SLC35D1: variants seen among roughly 807,000 people sequenced by gnomAD.
SLC35D1 encodes the protein solute carrier family 35 member D1.
In SLC35D1, 31 loss-of-function variants were observed where a neutral mutation model predicts 46.7. The ratio of observed to expected loss-of-function variants is 0.66; its 90% CI spans 0.50 to 0.90. The LOEUF (loss-of-function observed/expected upper bound fraction) is 0.90. Ranked by LOEUF, SLC35D1 falls within the 40% of genes least tolerant of loss-of-function variation. The pLI is 0.00. For missense variants in SLC35D1, 397 were observed against 426.2 expected (o/e 0.93, Z 0.60); for synonymous variants, 195 against 164.6 (o/e 1.18, Z -1.41).
the SLC35D1 span, among the ~76,000 whole-genome samples, chr1:66,975,474 CGGTTT>C: frequency 6.6e-6 from 1 of 151,650 alleles, no homozygotes; most frequent in South Asian, 2.1e-4. Flanking sequence ...CTGCAGTTAG[CGGTTT>C]GGTGCCACTG....
chr1:67,051,202 T>G (rs1009914832), intron 4 of SLC35D1, among the ~76,000 whole-genome samples: 3 of 152,204 alleles, frequency 2.0e-5, no homozygotes, highest in African/African-American at 7.2e-5. Flanking sequence ...TCTTCAGAGA[T>G]ATCATCTCGG....
At chr1:67,053,598 A>C (rs1379213339) in intron 1 of SLC35D1, among the ~76,000 whole-genome samples, 2 of 151,906 alleles carry the variant, frequency 1.3e-5, no homozygotes, top group East Asian at 3.9e-4. Context: ...GGCCGGCCGG[A>C]GCTCCGCGCA....
Position 67,009,110 on chromosome 1 carries a change from T to C in SLC35D1, c.934A>G (p.Thr312Ala). 1 of 1,515,030 alleles carries C rather than the reference T, an allele frequency of 6.6e-7. No individual in the cohort carries two copies. The highest frequency in any genetic ancestry group is 9.1e-7 in the Non-Finnish European group (1 of 1,093,126). The allele number at this position is 1,515,030 out of a possible 1,614,324, so 93.8% of individuals were successfully genotyped here. A position where few individuals can be genotyped will look rare whatever the true frequency, so the allele number is the denominator to read the frequency against. The change falls in exon 11 of 12, where the codon ACA (threonine) becomes GCA (alanine). Residue 312 changes from threonine to alanine, a missense_variant. By Grantham distance (58) the Thr-to-Ala change is moderately conservative (BLOSUM62 0). Coordinates refer to ENST00000235345, the MANE Select transcript of SLC35D1 (RefSeq NM_015139.3). ...CTGATATTTAAACCAATGAAGTTTG[T>C]CCACGTGAAAATATAATCTCCACCA... ...VFGGDYIFTWTNFIGLNISIA... is the reference protein window; with the variant it reads ...VFGGDYIFTWANFIGLNISIA...
the SLC35D1 span, among the ~76,000 whole-genome samples, chr1:66,977,792 G>A: frequency 6.6e-6 from 1 of 151,782 alleles, no homozygotes; most frequent in Non-Finnish European, 1.5e-5. Context: ...ATTCCCTAAT[G>A]TTTACAGAAT....
chr1:67,025,569 C>T (rs1423519872), intron 8 of SLC35D1, among the ~76,000 whole-genome samples: 2 of 152,120 alleles, frequency 1.3e-5, no homozygotes, highest in Non-Finnish European at 2.9e-5. Flanking sequence ...CTTTGCAATT[C>T]CACATAAATT....
intron 11 of SLC35D1, 28 bp downstream of exon 11, chr1:67,009,057 T>C: frequency 9.4e-7 from 1 of 1,065,898 alleles, no homozygotes; most frequent in Non-Finnish European, 1.5e-6. Context: ...ATTCCGATTT[T>C]GCAATTTAAT....
rs200792474 is a variant in SLC35D1 at position 67,049,718 on chromosome 1, C to A, written c.533+64G>T. The A allele has an allele frequency of 1.0e-4, 145 of 1,381,882 alleles. No individual in the cohort carries two copies. The East Asian group carries it at 3.4e-3, about 32-fold the overall frequency. The allele number at this position is 1,381,882 out of a possible 1,614,324, so 85.6% of individuals were successfully genotyped here. A position where few individuals can be genotyped will look rare whatever the true frequency, so the allele number is the denominator to read the frequency against. Reference sequence around the variant, plus strand: ...GCAATAAAAAATTGTTATTGATAAGCAATCATTTATTATCAATAATTATTG... The same window carrying A: ...GCAATAAAAAATTGTTATTGATAAGAAATCATTTATTATCAATAATTATTG... On this transcript the variant is annotated intron_variant, in intron 6 of 11. Coordinates refer to ENST00000235345, the MANE Select transcript of SLC35D1 (RefSeq NM_015139.3).
chr1:67,005,729 C>T (rs1311897265), intron 11 of SLC35D1, among the ~76,000 whole-genome samples: 1 of 152,174 alleles, frequency 6.6e-6, no homozygotes, highest in Non-Finnish European at 1.5e-5. Context: ...GGTCACAAAG[C>T]ATCCTACTGA....
intron 1 of SLC35D1, 103 bp downstream of exon 1, chr1:67,053,708 T>G: frequency 8.8e-7 from 1 of 1,139,028 alleles, no homozygotes; most frequent in Non-Finnish European, 1.1e-6. Context: ...CCCAACTTTG[T>G]TCGGCTTTAA....
chr1:67,053,308 C>A (rs914021564), intron 1 of SLC35D1, among the ~76,000 whole-genome samples: 33 of 123,250 alleles, frequency 2.7e-4, no homozygotes, highest in African/African-American at 3.9e-4. Context: ...AAAAAAACAA[C>A]CAACTTCTGC....
the SLC35D1 span, among the ~76,000 whole-genome samples, chr1:66,979,778 T>TA: frequency 6.6e-6 from 1 of 151,628 alleles, no homozygotes; most frequent in Non-Finnish European, 1.5e-5. Context: ...TTTTTTTTTT[T>TA]AAAGACGGAG....
At chr1:66,998,096 G>A (rs1000087536), downstream of SLC35D1, among the ~76,000 whole-genome samples, 3 of 139,614 alleles carry the variant, frequency 2.1e-5, no homozygotes, top group African/African-American at 9.0e-5. Flanking sequence ...TTCTAAAATG[G>A]GCCAGCCATA....
At chr1:66,994,921 G>GAAAAAAAAAA (rs61387414), downstream of SLC35D1, among the ~76,000 whole-genome samples, 9 of 96,298 alleles carry the variant, frequency 9.3e-5, no homozygotes, top group Non-Finnish European at 1.5e-4. Context: ...GGCAAAAAAA[G>GAAAAAAAAAA]AAAAAAAAAA....
rs2102221624 is a variant in SLC35D1, at chr1:67,002,426, C to G, written c.*1914G>C. ...CGGTTAATTAAATGGCAGCATAGTT[C>G]AATAAAAAGGACATGGGTTTGATGT... On this transcript the variant is annotated 3_prime_UTR_variant, in exon 12 of 12. Coordinates refer to ENST00000235345, the MANE Select transcript of SLC35D1 (RefSeq NM_015139.3). 6.6e-6 allele frequency: 1 copy of G among 152,284 alleles called. No homozygotes were observed. Among genetic ancestry groups the G allele is most frequent in the East Asian group, 1.9e-4 (1 of 5,328 alleles). 9.4% of individuals were successfully genotyped at this position (152,284 alleles called of 1,614,324 possible). A position where few individuals can be genotyped will look rare whatever the true frequency, so the allele number is the denominator to read the frequency against.
intron 2 of SLC35D1, 29 bp downstream of exon 2, chr1:67,052,927 A>G (rs1307941488): frequency 6.2e-7 from 1 of 1,613,952 alleles, no homozygotes; most frequent in Non-Finnish European, 8.5e-7. Flanking sequence ...AACAACATAA[A>G]CCACGTAATG....
chr1:67,007,989 G>A (rs773878120), intron 11 of SLC35D1, among the ~76,000 whole-genome samples: 17 of 152,078 alleles, frequency 1.1e-4, no homozygotes, highest in Non-Finnish European at 2.2e-4. Flanking sequence ...AGAACTCCTG[G>A]TATTAGTACT....
At chr1:66,997,049 T>A (rs527599719), downstream of SLC35D1, among the ~76,000 whole-genome samples, 1 of 152,298 alleles carries the variant, frequency 6.6e-6, no homozygotes, top group Non-Finnish European at 1.5e-5. Flanking sequence ...ACATTGGATT[T>A]GGCAGCATAT....
chr1:66,992,355 TAGC>T, the SLC35D1 span, among the ~76,000 whole-genome samples: 1 of 152,162 alleles, frequency 6.6e-6, no homozygotes, highest in East Asian at 1.9e-4. Context: ...CTAACCTGTA[TAGC>T]AGCAACAACA....
chr1:67,032,136 T>C, intron 8 of SLC35D1: 1 of 963,560 alleles, frequency 1.0e-6, no homozygotes, highest in Non-Finnish European at 1.2e-6. Context: ...ACAAAGATGC[T>C]TCTTAGGCTT....
Sources: gnomAD v4.1 joint callset for allele counts (sites outside exome capture counted in the v4.1 genomes callset) on GRCh38, gnomAD v4.1.1 for gene constraint, MANE v1.5 for transcripts, NCBI Gene and HGNC (gene_info 2026-07-23, HGNC 2026-07-21) for gene names.